COL4A3: variants seen among roughly 807,000 people sequenced by gnomAD.
COL4A3 encodes the protein collagen alpha-3(IV) chain.
Under a neutral mutation model 217.4 loss-of-function variants are expected in COL4A3, and 135 were observed. That is an observed-to-expected ratio of 0.62 (90% CI 0.54 to 0.72). The LOEUF is 0.72. Among genes scored for constraint, COL4A3 ranks in the 30% least tolerant of loss-of-function variants. The probability of loss-of-function intolerance (pLI) is 0.00; values close to 1 mark genes in which losing one functional copy is unlikely to be tolerated. For synonymous variants in COL4A3, 690 were observed against 736.3 expected, an observed-to-expected ratio of 0.94 and a Z score of 1.02; for missense variants, 1,868 against 2,119.9, an observed-to-expected ratio of 0.88 and a Z score of 2.33.
At chr2:227,213,450 C>T (rs2067401027) in intron 1 of COL4A3, among the ~76,000 whole-genome samples, 1 of 152,118 alleles carries the variant, frequency 6.6e-6, no homozygotes, top group Non-Finnish European at 1.5e-5. Context: ...GACCAATATT[C>T]CTTTTATATC....
At chr2:227,206,441 T>A (rs992353300) in intron 1 of COL4A3, among the ~76,000 whole-genome samples, 8 of 152,118 alleles carry the variant, frequency 5.3e-5, no homozygotes, top group African/African-American at 1.9e-4. Context: ...ACTTTGGTTC[T>A]GAAGATCGAA....
intron 1 of COL4A3, among the ~76,000 whole-genome samples, chr2:227,194,012 G>A (rs773196014): frequency 4.2e-5 from 2 of 47,948 alleles, no homozygotes; most frequent in Non-Finnish European, 8.8e-5. Flanking sequence ...AGAAGGGAAG[G>A]AAGGAGAGAA....
In COL4A3 at chr2:227,254,168, A is replaced by T; in HGVS notation, c.822A>T (p.Gly274=). 1 of 1,613,498 alleles carries T rather than the reference A, an allele frequency of 6.2e-7. No individual in the cohort carries two copies. The highest frequency in any genetic ancestry group is 8.5e-7 in the Non-Finnish European group (1 of 1,179,492). The change falls in exon 14 of 52, where the codon GGA becomes GGT. Residue 274 remains glycine, a synonymous_variant. Coordinates refer to ENST00000396578, the MANE Select transcript of COL4A3 (RefSeq NM_000091.5). ...KGAMGEPGPP[G]PSGLPGESYG... is the part of the protein sequence containing the mutation. ...CAATGGGCGAGCCTGGACCTCCTGG[A>T]CCCTCAGTAGGTTATTTAAAGTTAT...
intron 41 of COL4A3, 96 bp from the exon 42 acceptor site, chr2:227,297,578 C>A: frequency 8.4e-7 from 1 of 1,184,396 alleles, no homozygotes; most frequent in South Asian, 1.3e-5. Context: ...AATCTGAACA[C>A]TTTTAAGCAA....
chr2:227,185,832 C>T (rs1478301922), intron 1 of COL4A3, among the ~76,000 whole-genome samples: 1 of 152,204 alleles, frequency 6.6e-6, no homozygotes, highest in African/African-American at 2.4e-5. Context: ...ATGGTGTGGC[C>T]TGGAAACCTG....
chr2:227,268,231 C>T (rs966810955), intron 23 of COL4A3: 1 of 152,302 alleles, frequency 6.6e-6, no homozygotes, highest in Non-Finnish European at 1.5e-5. Flanking sequence ...TTATCTCTCA[C>T]ATCAGCCCGA....
chr2:227,174,021 A>G (rs772216082), intron 1 of COL4A3, among the ~76,000 whole-genome samples: 2 of 152,226 alleles, frequency 1.3e-5, no homozygotes, highest in Non-Finnish European at 2.9e-5. Flanking sequence ...GTTATTTACC[A>G]TAAGAAATAA....
intron 25 of COL4A3, among the ~76,000 whole-genome samples, chr2:227,272,089 G>T (rs2071275483): frequency 6.6e-6 from 1 of 152,172 alleles, no homozygotes; most frequent in African/African-American, 2.4e-5. Context: ...CAGCATCTAT[G>T]GTGCCAGCAG....
At position 227,311,971 on chromosome 2, in the gene COL4A3, G is replaced by C; in HGVS notation, c.*101G>C. 1 of 1,541,592 alleles carries C rather than the reference G, an allele frequency of 6.5e-7. No homozygotes were observed. On this transcript the variant is annotated 3_prime_UTR_variant, in exon 52 of 52. Coordinates refer to ENST00000396578, the MANE Select transcript of COL4A3 (RefSeq NM_000091.5). ...TATTTTTCTTTAACCAAACAATATTGCTCCATGATGACTTAGTACAAAGTT... is the reference window on the plus strand; with the variant it reads ...TATTTTTCTTTAACCAAACAATATTCCTCCATGATGACTTAGTACAAAGTT...
At chr2:227,173,883 A>T (rs2065580557) in intron 1 of COL4A3, among the ~76,000 whole-genome samples, 1 of 152,114 alleles carries the variant, frequency 6.6e-6, no homozygotes, top group Admixed American at 6.6e-5. Flanking sequence ...AATGAGCCAC[A>T]TTTTCAAGCA....
In COL4A3 at chr2:227,191,416, C is replaced by G; in HGVS notation, c.87+26603C>G. On this transcript the variant is annotated intron_variant, in intron 1 of 51. Transcript: ENST00000396578. This position sits in a 1 kb window ranked among gnomAD's most constrained non-coding sequence, Gnocchi z 6.8. The stretch of plus-strand genomic sequence containing the variant: ...GGGGCAGGAAGAACAATAAAGAAAG[C>G]TAAGAAGTGTTTTGAAAAGCAGTTC... 6.6e-6 allele frequency among the ~76,000 whole-genome samples: 1 copy of G among 152,098 alleles called. No homozygotes were observed.
intron 1 of COL4A3, among the ~76,000 whole-genome samples, chr2:227,230,062 A>G (rs72977866): frequency 7.5e-5 from 11 of 147,290 alleles, no homozygotes; most frequent in Admixed American, 3.4e-4. Flanking sequence ...AAAAAAAAAA[A>G]AAAAGAAATT....
intron 1 of COL4A3, among the ~76,000 whole-genome samples, chr2:227,215,753 C>T (rs1482952040): frequency 2.0e-5 from 3 of 152,140 alleles, no homozygotes; most frequent in Admixed American, 6.6e-5. Flanking sequence ...GCCACTGCAC[C>T]GGGCCTATGT....
At chr2:227,236,886 C>T (rs2125880569) in intron 1 of COL4A3, among the ~76,000 whole-genome samples, 1 of 152,276 alleles carries the variant, frequency 6.6e-6, no homozygotes, top group South Asian at 2.1e-4. Context: ...GTCTCAAACT[C>T]CTGACCTCAA....
intron 1 of COL4A3, among the ~76,000 whole-genome samples, chr2:227,171,644 A>G (rs1202792874): frequency 6.6e-6 from 1 of 152,184 alleles, no homozygotes; most frequent in Non-Finnish European, 1.5e-5. Context: ...AAAGTCCAAG[A>G]TCAGGGTGCC....
At chr2:227,259,946 G>A in intron 19 of COL4A3, 69 bp downstream of exon 19, 1 of 1,106,304 alleles carries the variant, frequency 9.0e-7, no homozygotes, top group Non-Finnish European at 1.4e-6. Flanking sequence ...GTAATAAATA[G>A]CATGTGCTTA....
At chr2:227,299,318 C>T (rs895026936) in intron 43 of COL4A3, among the ~76,000 whole-genome samples, 2 of 152,184 alleles carry the variant, frequency 1.3e-5, no homozygotes, top group African/African-American at 4.8e-5. Context: ...TGGCGTGAAC[C>T]CGGGAGGCGG....
intron 1 of COL4A3, among the ~76,000 whole-genome samples, chr2:227,174,338 C>A (rs1243426157): frequency 6.6e-6 from 1 of 152,148 alleles, no homozygotes; most frequent in Non-Finnish European, 1.5e-5. Context: ...TTATCACTAG[C>A]ATCCAGACAG....
At chr2:227,210,871 T>C (rs371264810) in intron 1 of COL4A3, among the ~76,000 whole-genome samples, 11,592 of 47,812 alleles carry the variant, frequency 0.24, 646 homozygotes, top group Admixed American at 0.27. Context: ...TAGTTTCACC[T>C]GTTTGGGGGG....
Sources: gnomAD v4.1 joint callset for allele counts (sites outside exome capture counted in the v4.1 genomes callset) on GRCh38, gnomAD v4.1.1 for gene constraint, Gnocchi (gnomAD v3.1) non-coding constraint, MANE v1.5 for transcripts, NCBI Gene and HGNC (gene_info 2026-07-23, HGNC 2026-07-21) for gene names.